The following PITPNC1 variants were observed in gnomAD, a reference collection of about 807,000 sequenced individuals.
PITPNC1 encodes the protein cytoplasmic phosphatidylinositol transfer protein 1.
A neutral mutation model predicts 44.7 loss-of-function variants in PITPNC1; 18 were observed. That is an observed-to-expected ratio of 0.40 (90% CI 0.28 to 0.60). The LOEUF (loss-of-function observed/expected upper bound fraction) is 0.60. Among genes scored for constraint, PITPNC1 ranks in the 20% least tolerant of loss-of-function variants. PITPNC1 has a pLI of 0.39. For synonymous variants in PITPNC1, 141 were observed against 149.6 expected (o/e 0.94, Z 0.42); for missense variants, 290 against 418.4 (o/e 0.69, Z 2.68).
chr17:67,459,492 A>C (rs1191396874), intron 1 of PITPNC1, among the ~76,000 whole-genome samples: 2 of 152,150 alleles, frequency 1.3e-5, no homozygotes, highest in Non-Finnish European at 2.9e-5. Flanking sequence ...CTTGGGTTTT[A>C]AATTGTAAGT....
At chr17:67,589,938 AG>A (rs1284915888) in intron 5 of PITPNC1, among the ~76,000 whole-genome samples, 1 of 152,148 alleles carries the variant, frequency 6.6e-6, no homozygotes, top group Non-Finnish European at 1.5e-5. Flanking sequence ...ACTGCACTCC[AG>A]CCTGGGTGAC....
intron 4 of PITPNC1, among the ~76,000 whole-genome samples, chr17:67,557,411 G>A (rs1375862513): frequency 6.6e-6 from 1 of 152,186 alleles, no homozygotes; most frequent in African/African-American, 2.4e-5. Flanking sequence ...AAGTGATGGA[G>A]GTGGATCCTG....
chr17:67,495,040 G>GTTTTTTTTTTTTTTTTTTTTTTTT lies in PITPNC1; in HGVS notation c.49-37751_49-37750insTTTTTTTTTTTTTTTTTTTTTTTT, dbSNP rs879366971. The stretch of plus-strand genomic sequence containing the variant: ...TTTGGCAATATTGAGCCATGGAGTT[G>GTTTTTTTTTTTTTTTTTTTTTTTT]TTTTTTTTTTTGTTTTTTTTTTTTT... On this transcript the variant is annotated intron_variant, in intron 1 of 8. Coordinates refer to ENST00000581322, the MANE Select transcript of PITPNC1 (RefSeq NM_012417.4). Among the ~76,000 whole-genome samples, 38 of 64,718 alleles carry GTTTTTTTTTTTTTTTTTTTTTTTT rather than the reference G, an allele frequency of 5.9e-4. 11 individuals are homozygous for GTTTTTTTTTTTTTTTTTTTTTTTT. Among genetic ancestry groups the GTTTTTTTTTTTTTTTTTTTTTTTT allele is most frequent in the Admixed American group, 6.8e-4 (3 of 4,444 alleles). The allele number at this position is 64,718 out of a possible 152,430, so 42.5% of individuals were successfully genotyped here.
At chr17:67,521,635 C>CT (rs1434839752) in intron 1 of PITPNC1, among the ~76,000 whole-genome samples, 1 of 152,050 alleles carries the variant, frequency 6.6e-6, no homozygotes, top group Non-Finnish European at 1.5e-5. Flanking sequence ...ATCACAGGGC[C>CT]TGGAAGACTG....
chr17:67,674,147 T>G (rs1336535457), intron 7 of PITPNC1, among the ~76,000 whole-genome samples: 1 of 152,102 alleles, frequency 6.6e-6, no homozygotes, highest in Non-Finnish European at 1.5e-5. Context: ...CCCTCCAGCA[T>G]TTATCCTTTG....
chr17:67,587,283 T>C (rs188734527), intron 5 of PITPNC1, among the ~76,000 whole-genome samples: 1 of 150,296 alleles, frequency 6.7e-6, no homozygotes, highest in African/African-American at 2.5e-5. Flanking sequence ...ACCCAAGAGT[T>C]CAAGGCCAGC....
In PITPNC1 at chr17:67,432,528, TAATAA is replaced by T. The variant is rs554324236; in HGVS notation, c.48+54339_48+54343del. ...CAAAATAAATAAATACATAAATAAATAATAAAATAAAATAAAACTAATGATAACTG... is the reference window on the plus strand; with the variant it reads ...CAAAATAAATAAATACATAAATAAATAATAAAATAAAACTAATGATAACTG... On this transcript the variant is annotated intron_variant, in intron 1 of 8. Transcript: ENST00000581322. 9.9e-3 allele frequency among the ~76,000 whole-genome samples: 1,507 copies of T among 152,038 alleles called. 26 individuals are homozygous for T. The highest frequency in any genetic ancestry group is 0.014 in the Non-Finnish European group (935 of 67,982).
chr17:67,632,420 T>C (rs2041982268), intron 6 of PITPNC1, 182 bp downstream of exon 6: 2 of 594,120 alleles, frequency 3.4e-6, no homozygotes, highest in East Asian at 2.8e-5. Flanking sequence ...TCAGGGACCA[T>C]CATTGGCCCT....
intron 1 of PITPNC1, among the ~76,000 whole-genome samples, chr17:67,382,199 G>A (rs1196305771): frequency 1.3e-5 from 2 of 152,034 alleles, no homozygotes; most frequent in Non-Finnish European, 1.5e-5. Context: ...TGCTATAGAC[G>A]GTACTGGCCT....
intron 1 of PITPNC1, among the ~76,000 whole-genome samples, chr17:67,495,682 G>A (rs1036318175): frequency 3.3e-5 from 5 of 152,204 alleles, no homozygotes; most frequent in Non-Finnish European, 7.3e-5. Context: ...ATGGCCTACA[G>A]CTCCATCCAT....
intron 1 of PITPNC1, among the ~76,000 whole-genome samples, chr17:67,531,309 G>C (rs1044868764): frequency 1.3e-5 from 2 of 152,186 alleles, no homozygotes; most frequent in Non-Finnish European, 2.9e-5. Context: ...CTTATCCCCA[G>C]TGCTGCCCAC....
intron 1 of PITPNC1, among the ~76,000 whole-genome samples, chr17:67,424,831 C>G (rs78916414): frequency 6.6e-6 from 1 of 152,006 alleles, no homozygotes; most frequent in African/African-American, 2.4e-5. Context: ...GCCTCTCAGC[C>G]CAAGCTAAGC....
chr17:67,522,835 T>C (rs1210269155), intron 1 of PITPNC1, among the ~76,000 whole-genome samples: 1 of 151,692 alleles, frequency 6.6e-6, no homozygotes, highest in African/African-American at 2.4e-5. Flanking sequence ...GCTGAGTTTT[T>C]ATTTTTTTGT....
At chr17:67,505,848 A>C (rs2040094587) in intron 1 of PITPNC1, among the ~76,000 whole-genome samples, 1 of 152,184 alleles carries the variant, frequency 6.6e-6, no homozygotes. Flanking sequence ...CACAGATGAC[A>C]GATTGGCCAT....
chr17:67,433,842 G>C (rs760800027), intron 1 of PITPNC1, among the ~76,000 whole-genome samples: 1 of 152,036 alleles, frequency 6.6e-6, no homozygotes, highest in African/African-American at 2.4e-5. Flanking sequence ...AGCGTGCAAG[G>C]ATCACCCCTG....
intron 1 of PITPNC1, among the ~76,000 whole-genome samples, chr17:67,505,888 C>T (rs2040095332): frequency 1.3e-5 from 2 of 152,106 alleles, no homozygotes; most frequent in African/African-American, 4.8e-5. Flanking sequence ...CTCTCTTTTC[C>T]CTCGCAATTC....
intron 6 of PITPNC1, among the ~76,000 whole-genome samples, chr17:67,659,969 C>T (rs187167121): frequency 1.8e-4 from 28 of 152,172 alleles, no homozygotes; most frequent in Non-Finnish European, 2.4e-4. Context: ...AACCTCCTCC[C>T]CCCAGGGTTC....
At chr17:67,573,237 G>C (rs1269473330) in intron 4 of PITPNC1, among the ~76,000 whole-genome samples, 3 of 152,124 alleles carry the variant, frequency 2.0e-5, no homozygotes, top group African/African-American at 7.2e-5. Flanking sequence ...TGGAATTTGC[G>C]ATGTTGATTT....
intron 5 of PITPNC1, among the ~76,000 whole-genome samples, chr17:67,606,352 A>G (rs2041607753): frequency 6.6e-6 from 1 of 152,196 alleles, no homozygotes; most frequent in Non-Finnish European, 1.5e-5. Context: ...TGTTGTTATT[A>G]TTAAGACAAG....
Sources: allele counts gnomAD v4.1 joint callset (sites outside exome capture counted in the v4.1 genomes callset), GRCh38; gene constraint gnomAD v4.1.1; transcripts MANE v1.5; gene names NCBI Gene and HGNC (gene_info 2026-07-23, HGNC 2026-07-21).